FER: variants seen among roughly 807,000 people sequenced by gnomAD.
FER encodes the protein tyrosine-protein kinase Fer.
In FER, 63 loss-of-function variants were observed where a neutral mutation model predicts 111.0. The observed-to-expected ratio is 0.57, with a 90% CI of 0.46 to 0.70. FER has a LOEUF of 0.70. Among genes scored for constraint, FER ranks in the 30% least tolerant of loss-of-function variants. FER has a pLI of 0.00. For synonymous variants in FER, 327 were observed against 313.9 expected (o/e 1.04, Z -0.44); for missense variants, 914 against 954.0 (o/e 0.96, Z 0.55).
intron 16 of FER, among the ~76,000 whole-genome samples, chr5:109,055,362 C>G (rs1178612437): frequency 1.3e-5 from 2 of 152,118 alleles, no homozygotes; most frequent in Non-Finnish European, 2.9e-5. Flanking sequence ...AAACAATCAG[C>G]AAAATGAAGC....
chr5:109,096,942 T>C (rs1021226336), intron 16 of FER, among the ~76,000 whole-genome samples: 5 of 148,786 alleles, frequency 3.4e-5, no homozygotes, highest in African/African-American at 1.2e-4. Flanking sequence ...AAATAGTAAA[T>C]AGTATTTGTA....
intron 8 of FER, among the ~76,000 whole-genome samples, chr5:108,878,572 G>A (rs1264948753): frequency 3.3e-5 from 5 of 151,962 alleles, no homozygotes; most frequent in African/African-American, 1.2e-4. Flanking sequence ...GTTATTTATT[G>A]ATGGGCATTT....
At chr5:108,982,337 A>G (rs1314170194) in intron 13 of FER, among the ~76,000 whole-genome samples, 1 of 152,144 alleles carries the variant, frequency 6.6e-6, no homozygotes, top group Non-Finnish European at 1.5e-5. Context: ...AGTTTGTAGT[A>G]AAAGCACGTG....
chr5:108,916,011 G>C (rs1002147994), intron 10 of FER, among the ~76,000 whole-genome samples: 1 of 151,986 alleles, frequency 6.6e-6, no homozygotes, highest in South Asian at 2.1e-4. Context: ...TACTCTCCAG[G>C]TTTCCATTTT....
intron 10 of FER, among the ~76,000 whole-genome samples, chr5:108,906,130 C>T (rs1056951290): frequency 6.6e-6 from 1 of 152,050 alleles, no homozygotes; most frequent in Non-Finnish European, 1.5e-5. Flanking sequence ...ACTGTGTTAC[C>T]CACTCTTGGG....
chr5:109,030,245 G>T (rs1174305856), intron 13 of FER, among the ~76,000 whole-genome samples: 1 of 152,088 alleles, frequency 6.6e-6, no homozygotes, highest in African/African-American at 2.4e-5. Flanking sequence ...GTAAGTGATT[G>T]TTGTGCATTT....
chr5:109,097,686 TA>T (rs1215618669), intron 16 of FER, among the ~76,000 whole-genome samples: 1 of 151,918 alleles, frequency 6.6e-6, no homozygotes, highest in Non-Finnish European at 1.5e-5. Context: ...TTAGTGGTGA[TA>T]ATCGAGTATT....
intron 11 of FER, among the ~76,000 whole-genome samples, chr5:108,950,195 G>C (rs1008934691): frequency 2.0e-5 from 3 of 152,100 alleles, no homozygotes; most frequent in African/African-American, 7.2e-5. Flanking sequence ...ACTTGAGTTT[G>C]GCTTAGTTGT....
chr5:109,009,044 CTTTT>C (rs1030906789), intron 13 of FER, among the ~76,000 whole-genome samples: 8 of 116,010 alleles, frequency 6.9e-5, no homozygotes, highest in Non-Finnish European at 1.0e-4. Flanking sequence ...CCTCTTCAGT[CTTTT>C]TTTTTTTTTT....
At chr5:109,115,159 T>A (rs1750076539) in intron 17 of FER, among the ~76,000 whole-genome samples, 1 of 152,172 alleles carries the variant, frequency 6.6e-6, no homozygotes, top group Non-Finnish European at 1.5e-5. Context: ...CGTTAAATGC[T>A]TGTTGCTAAT....
chr5:108,853,661 A>G (rs1435067500), intron 5 of FER, among the ~76,000 whole-genome samples: 2 of 152,184 alleles, frequency 1.3e-5, no homozygotes, highest in South Asian at 2.1e-4. Flanking sequence ...CTTTTTGTCT[A>G]TAACTGAGTT....
intron 17 of FER, among the ~76,000 whole-genome samples, chr5:109,119,171 C>A (rs1171328342): frequency 1.3e-5 from 2 of 152,128 alleles, no homozygotes; most frequent in East Asian, 1.9e-4. Flanking sequence ...CCTCTACACA[C>A]TGCTTTGAAT....
chr5:108,957,062 G>A (rs954477644), intron 12 of FER, among the ~76,000 whole-genome samples: 3 of 151,594 alleles, frequency 2.0e-5, no homozygotes, highest in Admixed American at 1.3e-4. Flanking sequence ...TGAATTTGGA[G>A]TTAGAACACT....
intron 13 of FER, among the ~76,000 whole-genome samples, chr5:108,969,498 A>G (rs1760337863): frequency 1.3e-5 from 2 of 152,156 alleles, no homozygotes; most frequent in African/African-American, 4.8e-5. Context: ...TGTGATAAAG[A>G]AACTTAAAAA....
chr5:108,944,049 C>A (rs1756637261), intron 10 of FER, among the ~76,000 whole-genome samples: 1 of 151,636 alleles, frequency 6.6e-6, no homozygotes, highest in Non-Finnish European at 1.5e-5. Flanking sequence ...TTCTTTTTAA[C>A]TGATAATAGA....
intron 3 of FER, among the ~76,000 whole-genome samples, chr5:108,811,232 G>T (rs1002698820): frequency 3.3e-5 from 5 of 151,912 alleles, no homozygotes; most frequent in Admixed American, 3.3e-4. Context: ...GGCAGGTCAT[G>T]CTGCTGATCC....
At chr5:109,000,157 TAA>T (rs919054485) in intron 13 of FER, among the ~76,000 whole-genome samples, 5 of 151,728 alleles carry the variant, frequency 3.3e-5, no homozygotes, top group East Asian at 1.9e-4. Context: ...AATATATATA[TAA>T]GTTTATTTGA....
chr5:108,945,120 C>CA (rs757970370), intron 10 of FER, among the ~76,000 whole-genome samples: 22 of 152,034 alleles, frequency 1.4e-4, no homozygotes, highest in Non-Finnish European at 2.6e-4. Context: ...ACAAAAGAAA[C>CA]AAAAGATGTT....
chr5:109,059,340 T>C (rs2092022131), intron 16 of FER, among the ~76,000 whole-genome samples: 1 of 148,124 alleles, frequency 6.8e-6, no homozygotes, highest in South Asian at 2.1e-4. Context: ...CTGGCCAACA[T>C]GGTGAAACCC....
Sources: allele counts gnomAD v4.1 joint callset (sites outside exome capture counted in the v4.1 genomes callset), GRCh38; gene constraint gnomAD v4.1.1; transcripts MANE v1.5; gene names NCBI Gene and HGNC (gene_info 2026-07-23, HGNC 2026-07-21).